The following NAV1 variants were observed in gnomAD, a reference collection of about 807,000 sequenced individuals.
NAV1 encodes neuron navigator 1, also known as pore membrane and/or filament interacting like protein 3.
In NAV1, 18 loss-of-function variants were observed where a neutral mutation model predicts 175.2. That is an observed-to-expected ratio of 0.10 (90% CI 0.07 to 0.15). The LOEUF (loss-of-function observed/expected upper bound fraction) is 0.15, where lower values mean the gene tolerates loss of function less well. Ranked by LOEUF, NAV1 falls within the 10% of genes least tolerant of loss-of-function variation. The pLI, the probability that NAV1 is intolerant of heterozygous loss-of-function variation, is 1.00. For missense variants in NAV1, 1,731 were observed against 2,436.6 expected, an observed-to-expected ratio of 0.71 and a Z score of 6.10; for synonymous variants, 897 against 978.7, an observed-to-expected ratio of 0.92 and a Z score of 1.56.
intron 1 of NAV1, among the ~76,000 whole-genome samples, chr1:201,582,694 T>C (rs1013466402): frequency 5.3e-5 from 8 of 152,326 alleles, no homozygotes; most frequent in African/African-American, 1.9e-4. Context: ...TTCTGCAGTG[T>C]CTGGTATCTC....
At chr1:201,677,250 C>CAAAAAAAAAA in intron 1 of NAV1, among the ~76,000 whole-genome samples, 1 of 110,706 alleles carries the variant, frequency 9.0e-6, no homozygotes, top group Non-Finnish European at 1.8e-5. Context: ...GACTCCATCT[C>CAAAAAAAAAA]AAAAAAAAAA....
chr1:201,672,766 G>A (rs1670091089), intron 1 of NAV1, among the ~76,000 whole-genome samples: 1 of 152,234 alleles, frequency 6.6e-6, no homozygotes, highest in South Asian at 2.1e-4. Context: ...AGAAGTCCCT[G>A]TGGTCAGAGC....
At chr1:201,706,339 G>GCCTAT (rs1671668980) in intron 1 of NAV1, among the ~76,000 whole-genome samples, 1 of 151,768 alleles carries the variant, frequency 6.6e-6, no homozygotes, top group South Asian at 2.1e-4. Flanking sequence ...ATTTAGCCTA[G>GCCTAT]CCTGGATTTG....
At chr1:201,649,920 G>A (rs928333571) in intron 1 of NAV1, among the ~76,000 whole-genome samples, 2 of 152,082 alleles carry the variant, frequency 1.3e-5, no homozygotes, top group African/African-American at 4.8e-5. Flanking sequence ...CTTCCTCTGT[G>A]GATCCCGAGT....
intron 13 of NAV1, chr1:201,793,142 T>G (rs1167103939): frequency 6.6e-6 from 1 of 152,380 alleles, no homozygotes; most frequent in East Asian, 1.9e-4. Context: ...ACTGAGCACC[T>G]TTCCGAACTA....
upstream of NAV1, among the ~76,000 whole-genome samples, chr1:201,644,872 GGGGAA>G (rs1420961190): frequency 4.6e-5 from 7 of 152,210 alleles, no homozygotes; most frequent in Non-Finnish European, 7.3e-5. Flanking sequence ...AATAAAGACA[GGGGAA>G]GGGACCAGGC....
intron 2 of NAV1, among the ~76,000 whole-genome samples, chr1:201,604,456 T>C (rs1667613527): frequency 6.6e-6 from 1 of 151,944 alleles, no homozygotes; most frequent in African/African-American, 2.4e-5. Flanking sequence ...AGGTGGATAG[T>C]AGATCATTTG....
chr1:201,765,420 A>C (rs1360380355), intron 3 of NAV1, among the ~76,000 whole-genome samples: 2 of 124,732 alleles, frequency 1.6e-5, no homozygotes, highest in African/African-American at 3.1e-5. Flanking sequence ...TTTGAGACAG[A>C]CTCTTGCTCT....
rs191129516 is a variant in NAV1 at position 201,585,959 on chromosome 1, C to T, written c.-143-2580C>T. Among the ~76,000 whole-genome samples, 134 of 152,258 alleles carry T rather than the reference C, an allele frequency of 8.8e-4. 1 individual carries two copies. Among genetic ancestry groups the T allele is most frequent in the Middle Eastern group, 6.8e-3 (2 of 294 alleles). ...ATTGCCATATGATTCAGCAATTCCA[C>T]GTCTCAGTAGACACCCAAAAGAATT... On this transcript the variant is annotated intron_variant, in intron 1 of 33. Coordinates refer to the NAV1 transcript ENST00000685211.
At chr1:201,734,080 A>T (rs1269201463) in intron 3 of NAV1, among the ~76,000 whole-genome samples, 1 of 152,038 alleles carries the variant, frequency 6.6e-6, no homozygotes, top group Non-Finnish European at 1.5e-5. Context: ...CCAGGGATAG[A>T]AGTGGAGGTG....
chr1:201,636,297 C>A (rs1197413425), intron 2 of NAV1, among the ~76,000 whole-genome samples: 1 of 152,160 alleles, frequency 6.6e-6, no homozygotes, highest in African/African-American at 2.4e-5. Flanking sequence ...ATCCCAAGAC[C>A]CCCCAAACCC....
intron 1 of NAV1, among the ~76,000 whole-genome samples, chr1:201,650,976 G>T (rs1669179621): frequency 6.6e-6 from 1 of 152,180 alleles, no homozygotes; most frequent in Admixed American, 6.5e-5. Context: ...AGTGAATGGG[G>T]CAAGAGAGAC....
At chr1:201,680,398 C>T (rs576821242) in intron 1 of NAV1, among the ~76,000 whole-genome samples, 4 of 151,930 alleles carry the variant, frequency 2.6e-5, no homozygotes, top group Non-Finnish European at 4.4e-5. Flanking sequence ...CCCAGCTACT[C>T]GGGAGGCTGA....
At chr1:201,603,028 T>C (rs1375418076) in intron 2 of NAV1, among the ~76,000 whole-genome samples, 1 of 151,990 alleles carries the variant, frequency 6.6e-6, no homozygotes, top group Non-Finnish European at 1.5e-5. Flanking sequence ...AATTAAACAG[T>C]GTCGGTGTGA....
At chr1:201,564,824 C>T (rs1666304651) in intron 1 of NAV1, among the ~76,000 whole-genome samples, 2 of 152,322 alleles carry the variant, frequency 1.3e-5, no homozygotes, top group South Asian at 4.1e-4. Flanking sequence ...CTTGCCTTTT[C>T]CAGCTCCTGG....
chr1:201,703,522 T>C (rs1355241031), intron 1 of NAV1, among the ~76,000 whole-genome samples: 1 of 151,978 alleles, frequency 6.6e-6, no homozygotes, highest in East Asian at 1.9e-4. Context: ...CAAACAGGGC[T>C]CGAGGCCAGG....
chr1:201,560,073 C>T (rs780715007), intron 1 of NAV1, among the ~76,000 whole-genome samples: 60 of 152,100 alleles, frequency 3.9e-4, no homozygotes, highest in Non-Finnish European at 7.9e-4. Flanking sequence ...AGAGCAGAAC[C>T]GTATCTGTCT....
intron 2 of NAV1, among the ~76,000 whole-genome samples, chr1:201,632,713 G>T (rs536703956): frequency 1.3e-5 from 2 of 152,194 alleles, no homozygotes; most frequent in Admixed American, 1.3e-4. Context: ...TCAGGAAAAA[G>T]CCAGAGCCTC....
chr1:201,590,609 C>T (rs994826424), intron 2 of NAV1, among the ~76,000 whole-genome samples: 14 of 152,192 alleles, frequency 9.2e-5, no homozygotes, highest in African/African-American at 3.4e-4. Context: ...CTGCATGCTG[C>T]GAGGTGCCCA....
Sources: gnomAD v4.1 joint callset for allele counts (sites outside exome capture counted in the v4.1 genomes callset) on GRCh38, gnomAD v4.1.1 for gene constraint, MANE v1.5 for transcripts, NCBI Gene and HGNC (gene_info 2026-07-23, HGNC 2026-07-21) for gene names.